The following BTAF1 variants were observed in gnomAD, a reference collection of about 807,000 sequenced individuals.
BTAF1 encodes TATA-binding protein-associated factor 172.
In BTAF1, 38 loss-of-function variants were observed where a neutral mutation model predicts 227.1. The observed-to-expected ratio is 0.17, with a 90% CI of 0.13 to 0.22. The LOEUF (loss-of-function observed/expected upper bound fraction) is 0.22, where lower values mean the gene tolerates loss of function less well. Ranked by LOEUF, BTAF1 falls within the 10% of genes least tolerant of loss-of-function variation. The pLI is 1.00. For synonymous variants in BTAF1, 742 were observed against 751.9 expected (o/e 0.99, Z 0.21); for missense variants, 1,598 against 2,204.0 (o/e 0.73, Z 5.51).
intron 14 of BTAF1, among the ~76,000 whole-genome samples, chr10:91,979,587 CT>C (rs1003790007): frequency 2.0e-5 from 3 of 151,956 alleles, no homozygotes; most frequent in Non-Finnish European, 4.4e-5. Context: ...GTATTTAGTG[CT>C]TAAAAAAAGT....
chr10:92,020,838 C>T (rs997477957), intron 34 of BTAF1, among the ~76,000 whole-genome samples: 7 of 152,128 alleles, frequency 4.6e-5, no homozygotes, highest in African/African-American at 1.7e-4. Context: ...AATTGAATTT[C>T]ATCCATATTT....
At chr10:91,966,589 G>A in intron 13 of BTAF1, 48 bp from the exon 14 acceptor site, 1 of 1,587,290 alleles carries the variant, frequency 6.3e-7, no homozygotes, top group Non-Finnish European at 8.6e-7. Context: ...TGTATCTACA[G>A]AGTTACAACT....
chr10:91,956,588 T>C lies in BTAF1; in HGVS notation c.762T>C (p.Ile254=), dbSNP rs757195835. 3.2e-5 allele frequency: 52 copies of C among 1,604,550 alleles called. No individual in the cohort carries two copies. The South Asian group carries it at 4.8e-4, about 15-fold the overall frequency. Residue 254 remains isoleucine, a synonymous_variant, in exon 7 of 38, where the codon ATT becomes ATC. Coordinates refer to ENST00000265990, the MANE Select transcript of BTAF1 (RefSeq NM_003972.3). ...EKRRKIANVV[I]NQSANDSKVL... is the part of the protein sequence containing the mutation. ...GACGGAAAATAGCAAATGTTGTTAT[T>C]AATCAGTCTGCAAATGATTCCAAAG...
chr10:91,970,831 A>G (rs1847243103), intron 14 of BTAF1, among the ~76,000 whole-genome samples: 1 of 152,242 alleles, frequency 6.6e-6, no homozygotes, highest in Admixed American at 6.5e-5. Context: ...GCAGCATTAA[A>G]AGACAAACTA....
chr10:91,928,771 C>T (rs1163037398), intron 1 of BTAF1, among the ~76,000 whole-genome samples: 11 of 121,620 alleles, frequency 9.0e-5, no homozygotes, highest in Non-Finnish European at 1.9e-4. Flanking sequence ...CCCCCCCCCC[C>T]CCGCCCCCCA....
intron 34 of BTAF1, among the ~76,000 whole-genome samples, chr10:92,020,736 C>T (rs546698382): frequency 3.3e-5 from 5 of 152,134 alleles, no homozygotes; most frequent in Non-Finnish European, 7.4e-5. Context: ...ATAGAATGTT[C>T]ATGGTTTTCC....
At chr10:91,946,022 T>C (rs1419555081) in intron 4 of BTAF1, among the ~76,000 whole-genome samples, 1 of 152,220 alleles carries the variant, frequency 6.6e-6, no homozygotes, top group Non-Finnish European at 1.5e-5. Context: ...CCAAATAATA[T>C]TCCATTGTAT....
In BTAF1 at chr10:91,989,519, A is replaced by G; in HGVS notation, c.2793A>G (p.Pro931=). ...TCTGTAGCTCACTTTGTGTGGACCC[A>G]TATCTAACTCCTTGTGTCACATGTC... is the stretch of plus-strand genomic sequence containing the variant. ...KNLCSSLCVD[P]YLTPCVTCPV... Residue 931 remains proline (P), a synonymous_variant, in exon 20 of 38, where the codon CCA becomes CCG. Coordinates refer to ENST00000265990, the MANE Select transcript of BTAF1 (RefSeq NM_003972.3). The G allele has an allele frequency of 1.9e-6, 3 of 1,613,668 alleles. No homozygotes were observed. Among genetic ancestry groups the G allele is most frequent in the Non-Finnish European group, 1.7e-6 (2 of 1,179,978 alleles).
chr10:91,971,764 G>C (rs562436936), intron 14 of BTAF1, among the ~76,000 whole-genome samples: 1 of 151,956 alleles, frequency 6.6e-6, no homozygotes, highest in African/African-American at 2.4e-5. Context: ...GAGCCACCGT[G>C]CCCAGCCCAA....
chr10:91,943,512 G>A (rs1347373844), intron 4 of BTAF1, among the ~76,000 whole-genome samples: 1 of 152,102 alleles, frequency 6.6e-6, no homozygotes, highest in Non-Finnish European at 1.5e-5. Flanking sequence ...ATAACACTCT[G>A]TTGCTAATTA....
intron 2 of BTAF1, among the ~76,000 whole-genome samples, chr10:91,936,675 C>T (rs1046456230): frequency 6.6e-6 from 1 of 152,164 alleles, no homozygotes; most frequent in Admixed American, 6.5e-5. Context: ...CCTACAGGCT[C>T]CACGTTCTTA....
In BTAF1 at chr10:92,029,029, G is replaced by A. The variant is rs1590018709; in HGVS notation, c.*96G>A. ...GTTTATGGTGAACTTTTAACTCAAT[G>A]TGTAAATAGATCTGGAGAATATTCA... is the stretch of plus-strand genomic sequence containing the variant. On this transcript the variant is annotated 3_prime_UTR_variant, in exon 38 of 38. Transcript: ENST00000265990. The A allele has an allele frequency of 8.8e-7, 1 of 1,131,592 alleles. No homozygotes were observed. Among genetic ancestry groups the A allele is most frequent in the Non-Finnish European group, 1.2e-6 (1 of 806,174 alleles). 70.1% of individuals were successfully genotyped at this position (1,131,592 alleles called of 1,614,324 possible).
At position 91,966,679 on chromosome 10, in the gene BTAF1, T is replaced by A; in HGVS notation, c.1572T>A (p.Pro524=). 3 of 1,613,816 alleles carry A rather than the reference T, an allele frequency of 1.9e-6. No individual in the cohort carries two copies. Among genetic ancestry groups the A allele is most frequent in the Middle Eastern group, 1.7e-4 (1 of 6,060 alleles). Residue 524 remains proline, a synonymous_variant, in exon 14 of 38, where the codon CCT becomes CCA. Transcript: ENST00000265990. ...CAGTTTTAGTTCCACGTGTCTGGCC[T>A]TTTTTGCATCACACTATATCATCAG... ...SLTVLVPRVW[P]FLHHTISSVR...
At chr10:92,028,631 CAAAT>C in intron 37 of BTAF1, among the ~76,000 whole-genome samples, 155 bp from the exon 38 acceptor site, 1 of 152,042 alleles carries the variant, frequency 6.6e-6, no homozygotes, top group South Asian at 2.1e-4. Context: ...AAAAAACTGA[CAAAT>C]AAATGTATTT....
rs766331334 is a variant in BTAF1 at position 92,016,449 on chromosome 10, C to T, written c.4694C>T (p.Thr1565Ile). ...EETEKPKLKATGHVFQALQYL... is the reference protein window; with the variant it reads ...EETEKPKLKAIGHVFQALQYL... ...ACTGAAAAACCAAAGCTTAAAGCTA[C>T]AGGCCACGTATTCCAGGTATAGATT... Residue 1565 changes from threonine (T) to isoleucine (I), a missense_variant, in exon 33 of 38, where the codon ACA becomes ATA. Thr to Ile is a moderately conservative substitution (Grantham distance 89). Around this residue, in one of 10 missense-constraint regions of BTAF1, gnomAD observed 205 missense variants for 244.5 expected, o/e 0.84. Coordinates refer to ENST00000265990, the MANE Select transcript of BTAF1 (RefSeq NM_003972.3). The T allele has an allele frequency of 1.9e-6, 3 of 1,573,420 alleles. No individual in the cohort carries two copies. Among genetic ancestry groups the T allele is most frequent in the Non-Finnish European group, 1.7e-6 (2 of 1,166,494 alleles).
rs1385558252 is a variant in BTAF1 at position 91,997,116 on chromosome 10, A to T, written c.3512-487A>T. 5 of 1,285,480 alleles carry T rather than the reference A, an allele frequency of 3.9e-6. No homozygotes were observed. The African/African-American group carries it at 7.7e-5, about 20-fold the overall frequency. The allele number at this position is 1,285,480 out of a possible 1,614,324, so 79.6% of individuals were successfully genotyped here. On this transcript the variant is annotated intron_variant, in intron 24 of 37. Transcript: ENST00000265990. ...AGCTCAAAAGATGGATGAAGATCAA[A>T]TCAGTAGAAACTCTGGTTCAAAAAT...
chr10:91,953,225 GT>G (rs1467569365), intron 5 of BTAF1, among the ~76,000 whole-genome samples: 2 of 152,194 alleles, frequency 1.3e-5, no homozygotes, highest in African/African-American at 2.4e-5. Flanking sequence ...AGACTTTATA[GT>G]GTCTTCTGTG....
chr10:91,924,149 C>T (rs1457299093), intron 1 of BTAF1, 59 bp downstream of exon 1: 3 of 1,585,988 alleles, frequency 1.9e-6, no homozygotes, highest in East Asian at 2.4e-5. Flanking sequence ...ATGGTCTCCT[C>T]TTAGAGCCCC....
rs1033977961 is a variant in BTAF1 at position 92,008,409 on chromosome 10, T to C, written c.3813+134T>C. ...CCCAGGCTGGGGTGCAGTGGCAGAA[T>C]CATGGTTCACTGCAGCCTCAAACTC... On this transcript the variant is annotated intron_variant, in intron 26 of 37. Coordinates refer to ENST00000265990, the MANE Select transcript of BTAF1 (RefSeq NM_003972.3). 19 of 861,816 alleles carry C rather than the reference T, an allele frequency of 2.2e-5. No individual in the cohort carries two copies. In the East Asian group the frequency reaches 6.0e-4, roughly 27 times the overall value. The allele number at this position is 861,816 out of a possible 1,614,324, so 53.4% of individuals were successfully genotyped here.
Sources: gnomAD v4.1 joint callset for allele counts (sites outside exome capture counted in the v4.1 genomes callset) on GRCh38, gnomAD v4.1.1 for gene constraint, gnomAD v4.1.1 regional missense constraint, MANE v1.5 for transcripts, NCBI Gene and HGNC (gene_info 2026-07-23, HGNC 2026-07-21) for gene names.